Variants in PPP3CA observed in about 807,000 individuals in gnomAD.
The protein encoded by PPP3CA is CAM-PRP catalytic subunit.
A neutral mutation model predicts 66.5 loss-of-function variants in PPP3CA; 14 were observed. That is an observed-to-expected ratio of 0.21 (90% CI 0.14 to 0.33). PPP3CA has a LOEUF of 0.33. PPP3CA is among the 10% of genes least tolerant of loss of function. The pLI is 1.00. For synonymous variants in PPP3CA, 232 were observed against 226.2 expected (o/e 1.03, Z -0.23); for missense variants, 317 against 639.5 (o/e 0.50, Z 5.44).
chr4:101,243,632 A>C (rs1323048863), intron 1 of PPP3CA, among the ~76,000 whole-genome samples: 1 of 152,198 alleles, frequency 6.6e-6, no homozygotes, highest in East Asian at 1.9e-4. Context: ...GGATATCCAC[A>C]GGTTACATGC....
chr4:101,048,367 A>C (rs1425948318), intron 10 of PPP3CA, among the ~76,000 whole-genome samples: 1 of 152,124 alleles, frequency 6.6e-6, no homozygotes, highest in East Asian at 1.9e-4. Flanking sequence ...TGTTCTATCA[A>C]GAATTAGATT....
chr4:101,124,769 A>AAG (rs1233991228), intron 2 of PPP3CA, among the ~76,000 whole-genome samples: 1 of 129,734 alleles, frequency 7.7e-6, no homozygotes, highest in Non-Finnish European at 1.6e-5. Context: ...GAAAGAAAGA[A>AAG]AGAAAGAAAG....
chr4:101,120,351 A>C (rs1288202750), intron 2 of PPP3CA, among the ~76,000 whole-genome samples: 1 of 152,108 alleles, frequency 6.6e-6, no homozygotes, highest in Non-Finnish European at 1.5e-5. Flanking sequence ...AGAAGGGCAT[A>C]CTTGAGAAGA....
chr4:101,110,619 G>A (rs1052887782), intron 2 of PPP3CA, among the ~76,000 whole-genome samples: 1 of 152,088 alleles, frequency 6.6e-6, no homozygotes, highest in South Asian at 2.1e-4. Flanking sequence ...AGAAACACCA[G>A]AAACATATTC....
chr4:101,208,373 C>G (rs2659533), intron 1 of PPP3CA, among the ~76,000 whole-genome samples: 1 of 151,938 alleles, frequency 6.6e-6, no homozygotes, highest in African/African-American at 2.4e-5. Flanking sequence ...ACAACCACAG[C>G]GCAGTTCCAC....
At chr4:101,321,879 C>T (rs1373481679) in intron 1 of PPP3CA, among the ~76,000 whole-genome samples, 1 of 152,108 alleles carries the variant, frequency 6.6e-6, no homozygotes, top group Non-Finnish European at 1.5e-5. Flanking sequence ...AAAAACAAGC[C>T]GACCAAAAAG....
chr4:101,168,292 A>C (rs1168165389), intron 2 of PPP3CA, among the ~76,000 whole-genome samples: 4 of 152,182 alleles, frequency 2.6e-5, no homozygotes, highest in African/African-American at 9.7e-5. Flanking sequence ...AAGTAGGAAG[A>C]ACAGATTTAT....
intron 2 of PPP3CA, among the ~76,000 whole-genome samples, chr4:101,185,482 A>G (rs978664437): frequency 1.3e-5 from 2 of 152,194 alleles, no homozygotes; most frequent in Admixed American, 6.5e-5. Context: ...GGGGGAAGAC[A>G]AAAGAAAATA....
In PPP3CA at chr4:101,141,415, T is replaced by C. The variant is rs147987972; in HGVS notation, c.260-32337A>G. Among the ~76,000 whole-genome samples, 485 of 152,196 alleles carry C rather than the reference T, an allele frequency of 3.2e-3. 2 individuals carry two copies. The highest frequency in any genetic ancestry group is 0.011 in the African/African-American group (457 of 41,526). On this transcript the variant is annotated intron_variant, in intron 2 of 13. Coordinates refer to ENST00000394854, the MANE Select transcript of PPP3CA (RefSeq NM_000944.5). ...CCTGCAGTGTCATATTTGAATTGTG[T>C]TATGGCCCCCACTCCTTCTCTAACC... is the stretch of plus-strand genomic sequence containing the variant.
intron 1 of PPP3CA, among the ~76,000 whole-genome samples, chr4:101,328,012 A>T (rs1442399538): frequency 6.6e-6 from 1 of 152,188 alleles, no homozygotes; most frequent in African/African-American, 2.4e-5. Flanking sequence ...GAAAATATGA[A>T]CCTAAGCTGA....
At chr4:101,164,238 C>A (rs1273333384) in intron 2 of PPP3CA, among the ~76,000 whole-genome samples, 1 of 144,418 alleles carries the variant, frequency 6.9e-6, no homozygotes, top group East Asian at 2.2e-4. Flanking sequence ...ACTCCCTTAT[C>A]CCACCCCATA....
chr4:101,141,256 G>C (rs983007399), intron 2 of PPP3CA, among the ~76,000 whole-genome samples: 1 of 152,116 alleles, frequency 6.6e-6, no homozygotes, highest in African/African-American at 2.4e-5. Flanking sequence ...TGTAATCACA[G>C]CTACTTGACA....
chr4:101,309,996 T>C (rs536038980), intron 1 of PPP3CA, among the ~76,000 whole-genome samples: 50 of 152,296 alleles, frequency 3.3e-4, no homozygotes, highest in Non-Finnish European at 5.9e-4. Context: ...AAGATCAGTG[T>C]GTAAATAAAG....
At chr4:101,229,509 C>G (rs1348871782) in intron 1 of PPP3CA, among the ~76,000 whole-genome samples, 1 of 151,558 alleles carries the variant, frequency 6.6e-6, no homozygotes, top group Non-Finnish European at 1.5e-5. Flanking sequence ...TCTAAAAGTT[C>G]TTGTACTTTT....
intron 2 of PPP3CA, among the ~76,000 whole-genome samples, chr4:101,189,972 C>G (rs2110184252): frequency 6.6e-6 from 1 of 151,928 alleles, no homozygotes; most frequent in African/African-American, 2.4e-5. Context: ...TCAATGAAGT[C>G]TGAAATTATT....
intron 1 of PPP3CA, among the ~76,000 whole-genome samples, chr4:101,256,420 T>C (rs1726845140): frequency 6.6e-6 from 1 of 151,936 alleles, no homozygotes; most frequent in African/African-American, 2.4e-5. Flanking sequence ...TGATGGTACA[T>C]AAACATTGCT....
intron 1 of PPP3CA, among the ~76,000 whole-genome samples, chr4:101,245,496 G>A (rs572017817): frequency 1.3e-5 from 2 of 152,090 alleles, no homozygotes; most frequent in African/African-American, 2.4e-5. Context: ...AAAGGGTCTT[G>A]AATTTACCTT....
intron 3 of PPP3CA, among the ~76,000 whole-genome samples, chr4:101,106,160 T>C (rs1730657007): frequency 6.6e-6 from 1 of 151,476 alleles, no homozygotes; most frequent in Non-Finnish European, 1.5e-5. Context: ...CTGTGTCTAC[T>C]AAAAATAAAA....
At chr4:101,252,086 A>T (rs945910667) in intron 1 of PPP3CA, among the ~76,000 whole-genome samples, 1 of 152,194 alleles carries the variant, frequency 6.6e-6, no homozygotes, top group Non-Finnish European at 1.5e-5. Flanking sequence ...ATCAGTTCTA[A>T]GAAGTAAATA....
Sources: gnomAD v4.1 joint callset for allele counts (sites outside exome capture counted in the v4.1 genomes callset) on GRCh38, gnomAD v4.1.1 for gene constraint, MANE v1.5 for transcripts, NCBI Gene and HGNC (gene_info 2026-07-23, HGNC 2026-07-21) for gene names.